Variants in FRAS1 observed in about 807,000 individuals in gnomAD.
FRAS1 encodes the protein extracellular matrix organizing protein FRAS1.
A neutral mutation model predicts 435.2 loss-of-function variants in FRAS1; 290 were observed. That is an observed-to-expected ratio of 0.67 (90% CI 0.61 to 0.73). The LOEUF (loss-of-function observed/expected upper bound fraction) is 0.73, where lower values mean the gene tolerates loss of function less well. FRAS1 is among the 30% of genes least tolerant of loss of function. The pLI is 0.00. For synonymous variants in FRAS1, 1,800 were observed against 1,851.0 expected (o/e 0.97, Z 0.71); for missense variants, 4,860 against 5,001.5 (o/e 0.97, Z 0.85).
At chr4:78,499,028 G>T (rs771405115) in intron 60 of FRAS1, among the ~76,000 whole-genome samples, 4 of 151,972 alleles carry the variant, frequency 2.6e-5, no homozygotes, top group African/African-American at 9.7e-5. Flanking sequence ...TTAATTATTT[G>T]TAGAGATGAG....
intron 28 of FRAS1, among the ~76,000 whole-genome samples, chr4:78,386,108 G>A (rs1022916158): frequency 5.3e-5 from 8 of 152,188 alleles, no homozygotes; most frequent in African/African-American, 1.9e-4. Context: ...GGTTCCCCAA[G>A]TGTGGCTTGT....
At chr4:78,308,268 G>A in intron 15 of FRAS1, 59 bp downstream of exon 15, 1 of 1,555,586 alleles carries the variant, frequency 6.4e-7, no homozygotes, top group South Asian at 1.2e-5. Flanking sequence ...AGCATCTCTT[G>A]TTGTATTCAA....
intron 14 of FRAS1, among the ~76,000 whole-genome samples, chr4:78,289,186 G>A (rs1727763119): frequency 6.6e-6 from 1 of 150,802 alleles, no homozygotes; most frequent in African/African-American, 2.5e-5. Context: ...TAAACCAGAG[G>A]GAGTAAAGGA....
At chr4:78,243,035 T>TA (rs1460184503) in intron 3 of FRAS1, among the ~76,000 whole-genome samples, 2 of 152,204 alleles carry the variant, frequency 1.3e-5, no homozygotes, top group Non-Finnish European at 2.9e-5. Context: ...TGTCAGAAGC[T>TA]ATCCTGTCTA....
intron 47 of FRAS1, among the ~76,000 whole-genome samples, chr4:78,463,688 G>A: frequency 6.6e-6 from 1 of 152,192 alleles, no homozygotes. Context: ...TGAACAGAGA[G>A]GGGCTTGGAG....
intron 2 of FRAS1, among the ~76,000 whole-genome samples, chr4:78,135,844 C>T (rs1340766561): frequency 2.6e-5 from 4 of 152,136 alleles, no homozygotes; most frequent in Admixed American, 1.3e-4. Context: ...TCATTATTTG[C>T]AATAGTCATG....
chr4:78,537,667 G>A (rs747922901), intron 72 of FRAS1, among the ~76,000 whole-genome samples: 2 of 152,276 alleles, frequency 1.3e-5, no homozygotes, highest in Admixed American at 6.5e-5. Context: ...AAGAGGCAGG[G>A]CGTGGTGGCT....
intron 3 of FRAS1, among the ~76,000 whole-genome samples, chr4:78,244,087 T>C (rs1725126442): frequency 6.6e-6 from 1 of 152,158 alleles, no homozygotes; most frequent in South Asian, 2.1e-4. Flanking sequence ...AAATAGGAAT[T>C]TGATGATCAC....
chr4:78,181,900 A>C, intron 2 of FRAS1: 1 of 1,611,174 alleles, frequency 6.2e-7, no homozygotes, highest in East Asian at 2.2e-5. Flanking sequence ...TCTTGGCCCC[A>C]GGGCCCCCAA....
At chr4:78,065,652 A>G (rs989259906) in intron 1 of FRAS1, among the ~76,000 whole-genome samples, 2 of 152,210 alleles carry the variant, frequency 1.3e-5, no homozygotes, top group Non-Finnish European at 2.9e-5. Context: ...AAGCCTGGAT[A>G]AGTAAATGGG....
chr4:78,094,670 G>A (rs1183758117), intron 2 of FRAS1, among the ~76,000 whole-genome samples: 1 of 152,094 alleles, frequency 6.6e-6, no homozygotes, highest in Non-Finnish European at 1.5e-5. Context: ...TATAGTCAAT[G>A]CTTAACCTAT....
Position 78,521,297 on chromosome 4 carries a change from A to G in FRAS1, c.10541-226A>G, listed in dbSNP as rs76931555. On this transcript the variant is annotated intron_variant, in intron 67 of 73. Transcript: ENST00000512123. ...TGGAACTTACAGGTTTGAAAAGTCT[A>G]TGTCAAGAACAGTGGAACCATTACA... Among the ~76,000 whole-genome samples the G allele has an allele frequency of 6.0e-3, 916 of 152,200 alleles. 25 individuals are homozygous for G. The East Asian group carries it at 0.076, about 13-fold the overall frequency.
chr4:78,092,916 G>A (rs1481400859), intron 2 of FRAS1, among the ~76,000 whole-genome samples: 1 of 152,196 alleles, frequency 6.6e-6, no homozygotes, highest in East Asian at 1.9e-4. Context: ...GGTGGTCTGT[G>A]AGCAGAGTAG....
At chr4:78,467,385 G>C (rs190274258) in intron 50 of FRAS1, among the ~76,000 whole-genome samples, 46 of 152,260 alleles carry the variant, frequency 3.0e-4, no homozygotes, top group Non-Finnish European at 5.7e-4. Flanking sequence ...TATACATGTT[G>C]TTGCAAATGA....
At chr4:78,125,835 C>T (rs769968181) in intron 2 of FRAS1, among the ~76,000 whole-genome samples, 2 of 152,178 alleles carry the variant, frequency 1.3e-5, no homozygotes, top group Non-Finnish European at 2.9e-5. Context: ...ACACGGTGGT[C>T]AGGGACCCAC....
At position 78,438,955 on chromosome 4, in the gene FRAS1, T is replaced by G; in HGVS notation, c.5420T>G (p.Phe1807Cys). ...DGHLVTDSFY[F>C]SVSDMDHNHL... ...CATCTGGTTACTGATAGCTTCTATT[T>G]CTCTGTCTCTGACATGGACCACAAC... The change falls in exon 40 of 74, where the codon TTC becomes TGC. Residue 1807 changes from phenylalanine (F) to cysteine (C), a missense_variant. Coordinates refer to ENST00000512123, the MANE Select transcript of FRAS1 (RefSeq NM_025074.7). 1 of 1,613,168 alleles carries G rather than the reference T, an allele frequency of 6.2e-7. No individual in the cohort carries two copies. The highest frequency in any genetic ancestry group is 1.1e-5 in the South Asian group (1 of 90,808).
chr4:78,223,320 G>A (rs1037310670), intron 2 of FRAS1, among the ~76,000 whole-genome samples: 1 of 152,172 alleles, frequency 6.6e-6, no homozygotes, highest in Non-Finnish European at 1.5e-5. Context: ...GGCCCATCAT[G>A]CCAGGGTGTT....
chr4:78,266,703 T>C, intron 7 of FRAS1, 131 bp from the exon 8 acceptor site: 2 of 689,540 alleles, frequency 2.9e-6, no homozygotes, highest in Non-Finnish European at 5.2e-6. Flanking sequence ...AATGTTTTCA[T>C]TTCTCAAGAG....
chr4:78,337,629 A>G (rs1730220962), intron 19 of FRAS1, 45 bp from the exon 20 acceptor site: 2 of 1,595,464 alleles, frequency 1.3e-6, no homozygotes, highest in South Asian at 1.1e-5. Flanking sequence ...ACGCATATAC[A>G]TGCTGAGCTG....
Sources: gnomAD v4.1 joint callset for allele counts (sites outside exome capture counted in the v4.1 genomes callset) on GRCh38, gnomAD v4.1.1 for gene constraint, MANE v1.5 for transcripts, NCBI Gene and HGNC (gene_info 2026-07-23, HGNC 2026-07-21) for gene names.